Variants in CTNNA2 observed in about 807,000 individuals in gnomAD.
CTNNA2 encodes catenin alpha-2.
Under a neutral mutation model 101.0 loss-of-function variants are expected in CTNNA2, and 42 were observed. That is an observed-to-expected ratio of 0.42 (90% CI 0.32 to 0.54). The LOEUF (loss-of-function observed/expected upper bound fraction) is 0.54. Ranked by LOEUF, CTNNA2 falls within the 20% of genes least tolerant of loss-of-function variation. The pLI is 0.14. For synonymous variants in CTNNA2, 450 were observed against 456.4 expected (o/e 0.99, Z 0.18); for missense variants, 871 against 1,223.1 (o/e 0.71, Z 4.29).
chr2:79,280,269 A>G (rs558632640), intron 2 of CTNNA2, among the ~76,000 whole-genome samples: 14 of 152,170 alleles, frequency 9.2e-5, no homozygotes, highest in African/African-American at 3.4e-4. Flanking sequence ...AGCTCCTTGA[A>G]TCCTTCCCTG....
intron 3 of CTNNA2, among the ~76,000 whole-genome samples, chr2:79,814,385 T>A (rs1677298427): frequency 6.6e-6 from 1 of 152,092 alleles, no homozygotes; most frequent in Non-Finnish European, 1.5e-5. Flanking sequence ...CTTTTATCCC[T>A]CGCCACCTCT....
chr2:80,368,326 T>C (rs540831687), intron 7 of CTNNA2, among the ~76,000 whole-genome samples: 1 of 152,322 alleles, frequency 6.6e-6, no homozygotes, highest in East Asian at 1.9e-4. Context: ...AAATGTTGTC[T>C]ACATTTTAGC....
intron 9 of CTNNA2, among the ~76,000 whole-genome samples, chr2:80,440,277 G>A (rs941121914): frequency 2.0e-5 from 3 of 152,024 alleles, no homozygotes; most frequent in African/African-American, 7.3e-5. Flanking sequence ...ACAACCATGG[G>A]GTGATTAGAA....
chr2:80,331,818 C>T (rs1253988394), intron 7 of CTNNA2, among the ~76,000 whole-genome samples: 1 of 152,094 alleles, frequency 6.6e-6, no homozygotes, highest in African/African-American at 2.4e-5. Flanking sequence ...GAACTGCTCC[C>T]CTCCAGAATC....
At chr2:80,453,441 G>C (rs1468829944) in intron 9 of CTNNA2, among the ~76,000 whole-genome samples, 1 of 152,002 alleles carries the variant, frequency 6.6e-6, no homozygotes, top group East Asian at 1.9e-4. Flanking sequence ...TGGGTGGATA[G>C]ACTCTAATAT....
At chr2:79,963,712 G>A (rs535789953) in intron 7 of CTNNA2, among the ~76,000 whole-genome samples, 1 of 152,286 alleles carries the variant, frequency 6.6e-6, no homozygotes, top group African/African-American at 2.4e-5. Context: ...AAAACAATGG[G>A]CTAAGTAATT....
chr2:79,261,465 C>T (rs1674920517), intron 2 of CTNNA2, among the ~76,000 whole-genome samples: 1 of 152,230 alleles, frequency 6.6e-6, no homozygotes, highest in South Asian at 2.1e-4. Flanking sequence ...ATGAAGATAT[C>T]ACAGACTGTG....
At chr2:79,266,559 T>C (rs144270378) in intron 2 of CTNNA2, among the ~76,000 whole-genome samples, 188 of 152,290 alleles carry the variant, frequency 1.2e-3, no homozygotes, top group African/African-American at 4.3e-3. Context: ...TGGTACTGAA[T>C]GTAATTCCAG....
chr2:79,662,977 G>C (rs925560817), intron 2 of CTNNA2, among the ~76,000 whole-genome samples: 1 of 152,090 alleles, frequency 6.6e-6, no homozygotes, highest in African/African-American at 2.4e-5. Flanking sequence ...CGACTTGGTT[G>C]GTACTCCTCC....
rs183479053 is a variant in CTNNA2 at position 80,009,213 on chromosome 2, A to C, written c.1056+99416A>C. 1.5e-4 allele frequency among the ~76,000 whole-genome samples: 23 copies of C among 152,276 alleles called. No individual in the cohort carries two copies. The East Asian group carries it at 3.9e-3, about 26-fold the overall frequency. On this transcript the variant is annotated intron_variant, in intron 7 of 18. Coordinates refer to ENST00000402739, the MANE Select transcript of CTNNA2 (RefSeq NM_001282597.3). ...GATCTGCAGTAAATCTGATAAACAGAAAAGGAGATCTTGAGCTTCTCCCCA... is the reference window on the plus strand; with the variant it reads ...GATCTGCAGTAAATCTGATAAACAGCAAAGGAGATCTTGAGCTTCTCCCCA...
chr2:79,499,631 T>C (rs992878292), intron 4 of CTNNA2, among the ~76,000 whole-genome samples: 2 of 152,194 alleles, frequency 1.3e-5, no homozygotes, highest in African/African-American at 4.8e-5. Flanking sequence ...TCTCTAGTCC[T>C]ATCTGCTGAT....
At chr2:80,646,020 G>A (rs939290120) in intron 18 of CTNNA2, among the ~76,000 whole-genome samples, 1 of 152,114 alleles carries the variant, frequency 6.6e-6, no homozygotes, top group Non-Finnish European at 1.5e-5. Flanking sequence ...TAAGGGATAT[G>A]GAACAAAAAG....
intron 4 of CTNNA2, among the ~76,000 whole-genome samples, chr2:79,384,120 C>T (rs1377701916): frequency 6.6e-6 from 1 of 152,130 alleles, no homozygotes; most frequent in Non-Finnish European, 1.5e-5. Flanking sequence ...TCCCAACCTC[C>T]CCAGGATTTA....
At chr2:80,291,415 C>G (rs541228927) in intron 7 of CTNNA2, among the ~76,000 whole-genome samples, 1 of 152,320 alleles carries the variant, frequency 6.6e-6, no homozygotes, top group East Asian at 1.9e-4. Flanking sequence ...AAATTAGTGT[C>G]AAAGCTGGGA....
chr2:80,359,646 C>G (rs998938464), intron 7 of CTNNA2, among the ~76,000 whole-genome samples: 2 of 152,114 alleles, frequency 1.3e-5, no homozygotes, highest in African/African-American at 4.8e-5. Context: ...TTTCCTGAGG[C>G]CCCCCTAGAA....
At chr2:80,067,268 T>C (rs754233169) in intron 7 of CTNNA2, among the ~76,000 whole-genome samples, 1 of 152,212 alleles carries the variant, frequency 6.6e-6, no homozygotes, top group Non-Finnish European at 1.5e-5. Flanking sequence ...ATAATGCATA[T>C]GTAAATTAGC....
intron 1 of CTNNA2, among the ~76,000 whole-genome samples, chr2:79,630,102 C>A (rs1404215115): frequency 1.3e-5 from 2 of 152,194 alleles, no homozygotes; most frequent in South Asian, 4.2e-4. Context: ...TAACCTTGCT[C>A]ACACTTAACG....
intron 18 of CTNNA2, among the ~76,000 whole-genome samples, chr2:80,629,395 G>A (rs530440802): frequency 6.6e-5 from 10 of 152,242 alleles, no homozygotes. Context: ...TCTGTAAAAC[G>A]AATCTCATGG....
intron 7 of CTNNA2, among the ~76,000 whole-genome samples, chr2:80,086,436 T>C (rs1308098752): frequency 6.6e-6 from 1 of 152,040 alleles, no homozygotes; most frequent in Non-Finnish European, 1.5e-5. Flanking sequence ...ACTGGGGTCA[T>C]TATAAGACCC....
Sources: gnomAD v4.1 joint callset for allele counts (sites outside exome capture counted in the v4.1 genomes callset) on GRCh38, gnomAD v4.1.1 for gene constraint, MANE v1.5 for transcripts, NCBI Gene and HGNC (gene_info 2026-07-23, HGNC 2026-07-21) for gene names.